CRISP1: variants seen among roughly 807,000 people sequenced by gnomAD.
The protein encoded by CRISP1 is cysteine-rich secretory protein 1.
A neutral mutation model predicts 33.1 loss-of-function variants in CRISP1; 44 were observed. The ratio of observed to expected loss-of-function variants is 1.33; its 90% CI spans 1.05 to 1.71. CRISP1 has a LOEUF of 1.71. CRISP1 is among the 40% of genes most tolerant of loss of function. The pLI, the probability that CRISP1 is intolerant of heterozygous loss-of-function variation, is 0.00. For missense variants in CRISP1, 390 were observed against 301.2 expected (o/e 1.29, Z -2.18); for synonymous variants, 103 against 98.7 (o/e 1.04, Z -0.26).
At chr6:49,871,607 T>A (rs1771926067) in intron 1 of CRISP1, among the ~76,000 whole-genome samples, 2 of 131,776 alleles carry the variant, frequency 1.5e-5, no homozygotes, top group Non-Finnish European at 3.1e-5. Flanking sequence ...TGTCCATGTG[T>A]TCTCATTGTT....
In CRISP1 at chr6:49,848,260, A is replaced by C. The variant is rs372347359; in HGVS notation, c.235T>G (p.Ser79Ala). The C allele has an allele frequency of 1.3e-5, 21 of 1,608,974 alleles. No individual in the cohort carries two copies. The African/African-American group carries it at 2.8e-4, about 22-fold the overall frequency. ...CTCTCTGTCATATCACAATACTTTGAAAAAATTCTGGCATTTTGTGCAGCC... is the reference window on the plus strand; with the variant it reads ...CTCTCTGTCATATCACAATACTTTGCAAAAATTCTGGCATTTTGTGCAGCC... Reference protein sequence around the residue: ...EEAAQNARIFSKYCDMTESNP... With the variant: ...EEAAQNARIFAKYCDMTESNP... Residue 79 changes from serine (S) to alanine (A), a missense_variant, in exon 4 of 8, where the codon TCA becomes GCA. Transcript: ENST00000335847.
intron 2 of CRISP1, among the ~76,000 whole-genome samples, chr6:49,857,055 A>G (rs1309271970): frequency 6.6e-6 from 1 of 152,144 alleles, no homozygotes; most frequent in African/African-American, 2.4e-5. Flanking sequence ...AATGAAATAG[A>G]TATGGACCCA....
intron 5 of CRISP1, among the ~76,000 whole-genome samples, 194 bp from the exon 6 acceptor site, chr6:49,841,189 C>T (rs1405693972): frequency 6.6e-6 from 1 of 152,142 alleles, no homozygotes; most frequent in African/African-American, 2.4e-5. Flanking sequence ...ACGCACATAG[C>T]TGCACACAAT....
upstream of CRISP1, among the ~76,000 whole-genome samples, chr6:49,870,814 A>T (rs12210421): frequency 6.6e-6 from 1 of 152,086 alleles, no homozygotes; most frequent in Non-Finnish European, 1.5e-5. Context: ...ATAACAAAAT[A>T]GGCCAGGCGT....
intron 1 of CRISP1, among the ~76,000 whole-genome samples, chr6:49,865,030 T>C (rs1319726557): frequency 6.6e-6 from 1 of 152,154 alleles, no homozygotes; most frequent in African/African-American, 2.4e-5. Flanking sequence ...TTCTATAAGA[T>C]AGATTTAACA....
chr6:49,857,424 T>C, intron 1 of CRISP1, 22 bp from the exon 2 acceptor site: 1 of 1,600,726 alleles, frequency 6.2e-7, no homozygotes, highest in Non-Finnish European at 8.6e-7. Context: ...ATAACACAAT[T>C]TTAGATTATT....
chr6:49,852,238 AT>A, intron 2 of CRISP1, 109 bp from the exon 3 acceptor site: 1 of 943,214 alleles, frequency 1.1e-6, no homozygotes, highest in Non-Finnish European at 1.5e-6. Context: ...TTAAACAGTG[AT>A]TTATAGCATT....
intron 2 of CRISP1, among the ~76,000 whole-genome samples, chr6:49,852,850 G>A (rs1482298656): frequency 2.3e-5 from 2 of 88,854 alleles, no homozygotes; most frequent in Non-Finnish European, 5.0e-5. Context: ...GAATCTTTGT[G>A]TGTGTGTGTG....
chr6:49,858,743 A>G (rs927811248), intron 1 of CRISP1, among the ~76,000 whole-genome samples: 2 of 152,166 alleles, frequency 1.3e-5, no homozygotes, highest in African/African-American at 4.8e-5. Context: ...CAAAAAATCT[A>G]GTAAAGCAGA....
chr6:49,866,007 C>G (rs1771790552), intron 1 of CRISP1, among the ~76,000 whole-genome samples: 1 of 152,120 alleles, frequency 6.6e-6, no homozygotes, highest in African/African-American at 2.4e-5. Flanking sequence ...AACAAAATGT[C>G]AAGTTATAAA....
intron 1 of CRISP1, among the ~76,000 whole-genome samples, chr6:49,862,801 A>C (rs1008791061): frequency 3.4e-5 from 5 of 147,514 alleles, no homozygotes; most frequent in African/African-American, 1.2e-4. Context: ...ACACCTTCTC[A>C]GAGAAAAGAA....
At chr6:49,853,786 T>A (rs930914973) in intron 2 of CRISP1, among the ~76,000 whole-genome samples, 2 of 152,186 alleles carry the variant, frequency 1.3e-5, no homozygotes, top group Non-Finnish European at 2.9e-5. Context: ...GAATCTTTTG[T>A]CTGCACACCA....
Position 49,865,157 on chromosome 6 carries a change from C to T in CRISP1, c.-3+1272G>A, listed in dbSNP as rs560526945. 1.5e-3 allele frequency among the ~76,000 whole-genome samples: 223 copies of T among 152,060 alleles called. 1 individual carries two copies. The highest frequency in any genetic ancestry group is 5.2e-3 in the African/African-American group (217 of 41,478). Reference sequence around the variant, plus strand: ...GTAACACAAATACAGATAAATGGACCAATGGCATATTATGTAATACAGAAA... The same window carrying T: ...GTAACACAAATACAGATAAATGGACTAATGGCATATTATGTAATACAGAAA... On this transcript the variant is annotated intron_variant, in intron 1 of 7. Coordinates refer to ENST00000335847, the MANE Select transcript of CRISP1 (RefSeq NM_001131.3).
chr6:49,835,500 G>A, intron 7 of CRISP1, 57 bp from the exon 8 acceptor site: 1 of 1,543,560 alleles, frequency 6.5e-7, no homozygotes, highest in Non-Finnish European at 8.8e-7. Context: ...CATTTGCTGA[G>A]GAAAGAGACC....
At chr6:49,860,692 A>T (rs1421808740) in intron 1 of CRISP1, among the ~76,000 whole-genome samples, 2 of 152,176 alleles carry the variant, frequency 1.3e-5, no homozygotes, top group African/African-American at 4.8e-5. Context: ...AAACAATCTA[A>T]TAATGCATCT....
intron 1 of CRISP1, among the ~76,000 whole-genome samples, chr6:49,873,430 T>G (rs1771969571): frequency 6.6e-6 from 1 of 152,104 alleles, no homozygotes; most frequent in South Asian, 2.1e-4. Context: ...TTCATAAATT[T>G]TTAGTTTACA....
intron 3 of CRISP1, among the ~76,000 whole-genome samples, chr6:49,851,774 T>A (rs1561944601): frequency 6.6e-6 from 1 of 152,148 alleles, no homozygotes; most frequent in Non-Finnish European, 1.5e-5. Context: ...AGCACTGTCT[T>A]AGGGTGTGGA....
At chr6:49,871,476 A>G (rs1437046367), upstream of CRISP1, among the ~76,000 whole-genome samples, 1 of 152,102 alleles carries the variant, frequency 6.6e-6, no homozygotes, top group Non-Finnish European at 1.5e-5. Flanking sequence ...TTTGAAAAAT[A>G]TGTAGAAATA....
At chr6:49,835,545 A>G in intron 7 of CRISP1, 102 bp from the exon 8 acceptor site, 1 of 1,096,792 alleles carries the variant, frequency 9.1e-7, no homozygotes, top group Non-Finnish European at 1.3e-6. Flanking sequence ...ATTTTTATTA[A>G]CAATTGCTAA....
Sources: gnomAD v4.1 joint callset for allele counts (sites outside exome capture counted in the v4.1 genomes callset) on GRCh38, gnomAD v4.1.1 for gene constraint, MANE v1.5 for transcripts, NCBI Gene and HGNC (gene_info 2026-07-23, HGNC 2026-07-21) for gene names.